The following SOX5 variants were observed in gnomAD, a reference collection of about 807,000 sequenced individuals.
SOX5 encodes transcription factor SOX-5.
In SOX5, 9 loss-of-function variants were observed where a neutral mutation model predicts 92.0. The ratio of observed to expected loss-of-function variants is 0.10; its 90% confidence interval spans 0.06 to 0.17. The LOEUF is 0.17. SOX5 is among the 10% of genes least tolerant of loss of function. The pLI is 1.00. For missense variants in SOX5, 642 were observed against 944.5 expected, an observed-to-expected ratio of 0.68 and a Z score of 4.20; for synonymous variants, 344 against 336.3, an observed-to-expected ratio of 1.02 and a Z score of -0.25.
chr12:24,106,033 A>G (rs960714516), intron 4 of SOX5, among the ~76,000 whole-genome samples: 1 of 152,200 alleles, frequency 6.6e-6, no homozygotes, highest in Non-Finnish European at 1.5e-5. Context: ...CAGACATGAT[A>G]TAAAAAACAG....
chr12:24,037,739 A>G (rs1956182330), intron 4 of SOX5, among the ~76,000 whole-genome samples: 1 of 152,228 alleles, frequency 6.6e-6, no homozygotes, highest in South Asian at 2.1e-4. Flanking sequence ...ACTCATACAC[A>G]TCTACAAATA....
At chr12:24,484,349 T>C (rs1169348202) in intron 1 of SOX5, among the ~76,000 whole-genome samples, 1 of 152,222 alleles carries the variant, frequency 6.6e-6, no homozygotes, top group East Asian at 1.9e-4. Context: ...TGCATTTTCC[T>C]GAATTAAAAA....
intron 4 of SOX5, among the ~76,000 whole-genome samples, chr12:24,210,472 G>C (rs1273694009): frequency 1.3e-5 from 2 of 152,180 alleles, no homozygotes; most frequent in Non-Finnish European, 2.9e-5. Flanking sequence ...TAATAAAAGA[G>C]TTACATAATT....
intron 8 of SOX5, among the ~76,000 whole-genome samples, chr12:23,636,582 T>C (rs1234484690): frequency 6.6e-6 from 1 of 152,202 alleles, no homozygotes; most frequent in Non-Finnish European, 1.5e-5. Context: ...AGATTTATAA[T>C]GTCCTTTATT....
chr12:24,279,470 T>C (rs1944905615), intron 2 of SOX5, among the ~76,000 whole-genome samples: 1 of 152,250 alleles, frequency 6.6e-6, no homozygotes, highest in East Asian at 1.9e-4. Flanking sequence ...TTTCTATGTA[T>C]TTATAGAACA....
At chr12:24,450,463 GTATT>G (rs1307298690) in intron 1 of SOX5, among the ~76,000 whole-genome samples, 1 of 145,000 alleles carries the variant, frequency 6.9e-6, no homozygotes, top group South Asian at 2.3e-4. Context: ...CTTCGAGTGT[GTATT>G]TATTTTATTT....
intron 6 of SOX5, among the ~76,000 whole-genome samples, chr12:23,676,957 A>C (rs1022818315): frequency 7.9e-5 from 12 of 152,192 alleles, no homozygotes; most frequent in Non-Finnish European, 1.6e-4. Flanking sequence ...AATGCCTCAA[A>C]CATAATAAAT....
At chr12:24,490,170 G>A (rs1021493597) in intron 1 of SOX5, among the ~76,000 whole-genome samples, 3 of 152,182 alleles carry the variant, frequency 2.0e-5, no homozygotes, top group Non-Finnish European at 4.4e-5. Context: ...GAGACCATTT[G>A]TTCTATAACT....
intron 1 of SOX5, among the ~76,000 whole-genome samples, chr12:24,485,527 T>C (rs1946428488): frequency 6.6e-6 from 1 of 152,188 alleles, no homozygotes; most frequent in Admixed American, 6.5e-5. Context: ...GCTTTCTGCG[T>C]GGCAACTACT....
intron 3 of SOX5, among the ~76,000 whole-genome samples, chr12:23,832,709 A>C (rs1269911120): frequency 2.0e-5 from 3 of 151,952 alleles, no homozygotes; most frequent in Non-Finnish European, 4.4e-5. Context: ...GATATTTATT[A>C]TATTAATACA....
At chr12:23,891,397 C>T (rs1289424645) in intron 2 of SOX5, among the ~76,000 whole-genome samples, 1 of 152,178 alleles carries the variant, frequency 6.6e-6, no homozygotes, top group Non-Finnish European at 1.5e-5. Flanking sequence ...GTGTACAGAA[C>T]TTCTATCTCA....
chr12:23,814,509 A>G (rs898018157), intron 3 of SOX5, among the ~76,000 whole-genome samples: 3 of 152,200 alleles, frequency 2.0e-5, no homozygotes, highest in South Asian at 4.1e-4. Flanking sequence ...ATATTTCTTG[A>G]GCTTATTTCA....
At chr12:23,779,343 C>T (rs1475750459) in intron 3 of SOX5, among the ~76,000 whole-genome samples, 1 of 150,090 alleles carries the variant, frequency 6.7e-6, no homozygotes, top group Non-Finnish European at 1.5e-5. Flanking sequence ...ATTTTACTTC[C>T]ACTGAATAGA....
At chr12:23,819,588 T>A (rs1322554782) in intron 3 of SOX5, among the ~76,000 whole-genome samples, 2 of 151,980 alleles carry the variant, frequency 1.3e-5, no homozygotes, top group Non-Finnish European at 2.9e-5. Flanking sequence ...GTCCCCCCAC[T>A]CCCCGACAGG....
At chr12:23,578,725 A>T (rs187552016) in intron 9 of SOX5, among the ~76,000 whole-genome samples, 37 of 152,224 alleles carry the variant, frequency 2.4e-4, no homozygotes, top group Admixed American at 5.9e-4. Context: ...ACTGTCAGGG[A>T]CTTTACTATT....
chr12:23,753,518 T>C (rs2094252344), intron 4 of SOX5, among the ~76,000 whole-genome samples: 1 of 151,858 alleles, frequency 6.6e-6, no homozygotes, highest in South Asian at 2.1e-4. Flanking sequence ...TTAAATACAT[T>C]ATTTTAAATT....
chr12:24,045,053 G>A (rs944067985), intron 4 of SOX5, among the ~76,000 whole-genome samples: 50 of 152,246 alleles, frequency 3.3e-4, no homozygotes, highest in African/African-American at 1.2e-3. Flanking sequence ...AAACAACTAA[G>A]ATCAGTCAAA....
chr12:24,080,166 T>C (rs1351137888), intron 4 of SOX5, among the ~76,000 whole-genome samples: 3 of 151,936 alleles, frequency 2.0e-5, no homozygotes, highest in Admixed American at 6.6e-5. Context: ...GCATGTAAGA[T>C]AAAAATATGT....
intron 2 of SOX5, among the ~76,000 whole-genome samples, chr12:24,310,083 G>C (rs754938414): frequency 6.6e-6 from 1 of 152,076 alleles, no homozygotes; most frequent in Non-Finnish European, 1.5e-5. Context: ...TCATATCTGC[G>C]TGAGGATGTT....
Sources: gnomAD v4.1 joint callset for allele counts (sites outside exome capture counted in the v4.1 genomes callset) on GRCh38, gnomAD v4.1.1 for gene constraint, MANE v1.5 for transcripts, NCBI Gene and HGNC (gene_info 2026-07-23, HGNC 2026-07-21) for gene names.